ECPAS: variants seen among roughly 807,000 people sequenced by gnomAD.
ECPAS encodes proteasome adapter and scaffold protein ECM29.
In ECPAS, 70 loss-of-function variants were observed where a neutral mutation model predicts 255.1. The ratio of observed to expected loss-of-function variants is 0.27; its 90% CI spans 0.23 to 0.33. The LOEUF is 0.33. Among genes scored for constraint, ECPAS ranks in the 10% least tolerant of loss-of-function variants. The pLI, the probability that ECPAS is intolerant of heterozygous loss-of-function variation, is 1.00. For synonymous variants in ECPAS, 784 were observed against 775.0 expected, an observed-to-expected ratio of 1.01 and a Z score of -0.19; for missense variants, 1,817 against 2,206.4, an observed-to-expected ratio of 0.82 and a Z score of 3.54.
chr9:111,455,628 T>C (rs1364091107), intron 2 of ECPAS, among the ~76,000 whole-genome samples: 1 of 152,216 alleles, frequency 6.6e-6, no homozygotes, highest in African/African-American at 2.4e-5. Context: ...GCAAATAATA[T>C]TGTTTATGCT....
rs1338516733 is a variant in ECPAS at position 111,414,668 on chromosome 9, G to A, written c.1765-17C>T. On this transcript the variant is annotated splice_polypyrimidine_tract_variant and intron_variant, in intron 18 of 49. Transcript: ENST00000684092. ...CAGAACGATCTACAAACAGAACGGA[G>A]AGGAAGACTGCATAAGCTTCTCGAA... is the stretch of plus-strand genomic sequence containing the variant. 8 of 1,595,730 alleles carry A rather than the reference G, an allele frequency of 5.0e-6. No homozygotes were observed. In the African/African-American group the frequency reaches 1.1e-4, roughly 21 times the overall value.
In ECPAS at chr9:111,397,134, T is replaced by C. The variant is rs1226675810; in HGVS notation, c.2672A>G (p.Gln891Arg). The C allele has an allele frequency of 6.2e-7, 1 of 1,613,908 alleles. No individual in the cohort carries two copies. Among genetic ancestry groups the C allele is most frequent in the Non-Finnish European group, 8.5e-7 (1 of 1,179,788 alleles). Reference protein sequence around the residue: ...DSVEAKQIELQFTIGEAITSA... With the variant: ...DSVEAKQIELRFTIGEAITSA... Reference sequence around the variant, plus strand: ...GGTAATGGCTTCGCCAATAGTGAACTGAAGTTCTATCTGCTTGGCCTGCAA... The same window carrying C: ...GGTAATGGCTTCGCCAATAGTGAACCGAAGTTCTATCTGCTTGGCCTGCAA... Residue 891 changes from glutamine to arginine, a missense_variant, in exon 25 of 50, where the codon CAG becomes CGG. Physicochemically the swap from Gln to Arg is conservative, Grantham distance 43 (BLOSUM62 1). Coordinates refer to ENST00000684092, the MANE Select transcript of ECPAS (RefSeq NM_001364929.1).
rs758856816 is a variant in ECPAS at position 111,413,966 on chromosome 9, G to A, written c.2008C>T (p.Leu670=). 6.3e-7 allele frequency: 1 copy of A among 1,585,342 alleles called. No individual in the cohort carries two copies. Among genetic ancestry groups the A allele is most frequent in the East Asian group, 2.3e-5 (1 of 44,122 alleles). ...GGATACACTGACACAGCTTCCAATAGACAGTACATAACCGGCAAACCTAAA... is the reference window on the plus strand; with the variant it reads ...GGATACACTGACACAGCTTCCAATAAACAGTACATAACCGGCAAACCTAAA... ...GVGGLPVMYC[L]LEAVSVYPEK... The change falls in exon 20 of 50, where the codon CTA becomes TTA. Residue 670 remains leucine (L), a synonymous_variant. Coordinates refer to ENST00000684092, the MANE Select transcript of ECPAS (RefSeq NM_001364929.1).
intron 25 of ECPAS, among the ~76,000 whole-genome samples, chr9:111,394,743 T>G (rs2098165186): frequency 6.6e-6 from 1 of 152,176 alleles, no homozygotes; most frequent in Admixed American, 6.5e-5. Context: ...TACAAAGCTG[T>G]GCTATACACT....
chr9:111,412,040 G>A lies in ECPAS; in HGVS notation c.2188C>T (p.Leu730Phe). 1 of 1,577,780 alleles carries A rather than the reference G, an allele frequency of 6.3e-7. No individual in the cohort carries two copies. Among genetic ancestry groups the A allele is most frequent in the Non-Finnish European group, 8.5e-7 (1 of 1,169,646 alleles). ...TGATTGTCTTTTGTAGTCTTTATAA[G>A]CTGTTCTATCATTGATTTCAACTCA... ...GNELKSMIEQ[L>F]IKTTKDNHSP... The change falls in exon 21 of 50, where the codon CTT (leucine) becomes TTT (phenylalanine). Residue 730 changes from leucine to phenylalanine, a missense_variant. Transcript: ENST00000684092.
chr9:111,364,443 T>A (rs1433678552), intron 48 of ECPAS, among the ~76,000 whole-genome samples: 1 of 152,168 alleles, frequency 6.6e-6, no homozygotes, highest in Non-Finnish European at 1.5e-5. Flanking sequence ...AAAGATTCCA[T>A]GAATCAATGC....
intron 1 of ECPAS, among the ~76,000 whole-genome samples, chr9:111,474,526 C>T (rs2098293855): frequency 6.6e-6 from 1 of 152,154 alleles, no homozygotes; most frequent in Non-Finnish European, 1.5e-5. Context: ...CGGATCCTTG[C>T]AATCAGTGTT....
At chr9:111,383,937 T>C (rs1005555536) in intron 34 of ECPAS, among the ~76,000 whole-genome samples, 3 of 147,650 alleles carry the variant, frequency 2.0e-5, no homozygotes, top group Admixed American at 6.8e-5. Context: ...AAAATTAAAA[T>C]AAAAAATTAA....
chr9:111,474,750 T>G (rs1219052736), intron 1 of ECPAS, among the ~76,000 whole-genome samples: 1 of 152,238 alleles, frequency 6.6e-6, no homozygotes, highest in Non-Finnish European at 1.5e-5. Flanking sequence ...CTTAAGTGTT[T>G]ACACAGTACA....
At chr9:111,396,756 T>G (rs1475624348) in intron 25 of ECPAS, among the ~76,000 whole-genome samples, 1 of 152,142 alleles carries the variant, frequency 6.6e-6, no homozygotes, top group African/African-American at 2.4e-5. Flanking sequence ...TTCACCATGT[T>G]AGCCAGGCTG....
intron 36 of ECPAS, among the ~76,000 whole-genome samples, chr9:111,377,030 C>T (rs570003472): frequency 7.9e-5 from 12 of 152,178 alleles, no homozygotes; most frequent in Non-Finnish European, 1.6e-4. Flanking sequence ...GTAAGGCATA[C>T]ACAAGTGACT....
chr9:111,445,468 A>C (rs1341443085), intron 3 of ECPAS, among the ~76,000 whole-genome samples: 1 of 152,016 alleles, frequency 6.6e-6, no homozygotes. Context: ...TGCTATATCA[A>C]GAAAGACTTC....
At chr9:111,477,363 C>T (rs955359857) in intron 1 of ECPAS, among the ~76,000 whole-genome samples, 64 of 152,094 alleles carry the variant, frequency 4.2e-4, no homozygotes, top group African/African-American at 1.5e-3. Flanking sequence ...CCCCCAGCCT[C>T]GGCCTCCCAG....
chr9:111,472,837 G>A (rs1294625992), intron 2 of ECPAS, 60 bp downstream of exon 2: 10 of 466,628 alleles, frequency 2.1e-5, no homozygotes, highest in Non-Finnish European at 3.5e-5. Flanking sequence ...GATAACCTAT[G>A]CATTTTTAAA....
intron 31 of ECPAS, among the ~76,000 whole-genome samples, chr9:111,388,496 G>T (rs1214861928): frequency 2.0e-5 from 3 of 151,352 alleles, no homozygotes; most frequent in Admixed American, 2.0e-4. Context: ...GAGACAGGAA[G>T]GGGCCACATT....
intron 33 of ECPAS, 25 bp from the exon 34 acceptor site, chr9:111,384,594 C>CAT: frequency 6.2e-7 from 1 of 1,609,470 alleles, no homozygotes; most frequent in African/African-American, 1.3e-5. Flanking sequence ...AGTGTGACAT[C>CAT]ATACAAGTTA....
chr9:111,403,570 A>C (rs74490713), intron 24 of ECPAS, among the ~76,000 whole-genome samples: 2,055 of 149,904 alleles, frequency 0.014, 266 homozygotes, highest in African/African-American at 0.049. Context: ...TAAAGGTTAT[A>C]AATATATATG....
At chr9:111,387,646 CTCA>C (rs1291643920) in intron 31 of ECPAS, among the ~76,000 whole-genome samples, 2 of 151,764 alleles carry the variant, frequency 1.3e-5, no homozygotes, top group African/African-American at 2.4e-5. Flanking sequence ...CAGTGTCTCA[CTCA>C]TCATCAGTGC....
chr9:111,384,411 A>G, intron 34 of ECPAS, 111 bp downstream of exon 34: 1 of 945,418 alleles, frequency 1.1e-6, no homozygotes, highest in Admixed American at 1.9e-5. Flanking sequence ...TACAACATGA[A>G]GCCAATTATA....
Sources: allele counts gnomAD v4.1 joint callset (sites outside exome capture counted in the v4.1 genomes callset), GRCh38; gene constraint gnomAD v4.1.1; transcripts MANE v1.5; gene names NCBI Gene and HGNC (gene_info 2026-07-23, HGNC 2026-07-21).